The following CSPP1 variants were observed in gnomAD, a reference collection of about 807,000 sequenced individuals.
CSPP1 encodes the protein centrosome and spindle pole associated protein 1, also known as centrosome and spindle pole-associated protein 1.
A neutral mutation model predicts 164.4 loss-of-function variants in CSPP1; 126 were observed. That is an observed-to-expected ratio of 0.77 (90% CI 0.66 to 0.89). CSPP1 has a LOEUF of 0.89. Among genes scored for constraint, CSPP1 ranks in the 40% least tolerant of loss-of-function variants. The pLI is 0.00. For missense variants in CSPP1, 1,395 were observed against 1,449.8 expected, an observed-to-expected ratio of 0.96 and a Z score of 0.61; for synonymous variants, 472 against 476.7, an observed-to-expected ratio of 0.99 and a Z score of 0.13.
chr8:67,085,975 T>C (rs1810306984), intron 3 of CSPP1, 32 bp from the exon 4 acceptor site: 1 of 901,840 alleles, frequency 1.1e-6, no homozygotes, highest in African/African-American at 1.6e-5. Context: ...GGTTTGAAAA[T>C]GAATTATACT....
At chr8:67,095,803 C>T (rs1010744487) in intron 7 of CSPP1, 71 bp downstream of exon 7, 2 of 942,318 alleles carry the variant, frequency 2.1e-6, no homozygotes, top group Admixed American at 2.5e-5. Context: ...GCTGTTGTTA[C>T]TTTTTATCAT....
chr8:67,101,125 A>G (rs1232766227), intron 7 of CSPP1, among the ~76,000 whole-genome samples: 9 of 152,218 alleles, frequency 5.9e-5, no homozygotes, highest in African/African-American at 2.2e-4. Context: ...TTGAATTGTA[A>G]CAATATAAGG....
intron 3 of CSPP1, chr8:67,084,114 TA>T (rs1359175871): frequency 1.3e-5 from 2 of 152,208 alleles, no homozygotes; most frequent in Non-Finnish European, 2.9e-5. Context: ...TCCTTAGGCT[TA>T]AATTCTGTAT....
intron 17 of CSPP1, among the ~76,000 whole-genome samples, chr8:67,149,246 C>G (rs1217728123): frequency 1.3e-5 from 2 of 152,078 alleles, no homozygotes; most frequent in Admixed American, 1.3e-4. Context: ...ATGAGGTAGC[C>G]TCAGAAGTCA....
intron 15 of CSPP1, among the ~76,000 whole-genome samples, chr8:67,125,285 A>G (rs1376528659): frequency 6.6e-6 from 1 of 152,202 alleles, no homozygotes; most frequent in Non-Finnish European, 1.5e-5. Context: ...TTAACACAAT[A>G]TGGTATCCCC....
intron 4 of CSPP1, among the ~76,000 whole-genome samples, chr8:67,090,897 A>C (rs1001386203): frequency 7.3e-5 from 11 of 151,622 alleles, no homozygotes; most frequent in Non-Finnish European, 1.2e-4. Flanking sequence ...TGTAGATGGC[A>C]TTATTTCTGT....
intron 10 of CSPP1, among the ~76,000 whole-genome samples, chr8:67,113,224 G>T (rs1219668055): frequency 6.6e-6 from 1 of 152,092 alleles, no homozygotes; most frequent in African/African-American, 2.4e-5. Flanking sequence ...CAGCCTGGGC[G>T]ACAGGGTGAG....
intron 9 of CSPP1, among the ~76,000 whole-genome samples, chr8:67,109,932 C>T (rs1260160027): frequency 1.3e-5 from 2 of 152,042 alleles, no homozygotes; most frequent in Admixed American, 6.6e-5. Flanking sequence ...GTGCTACTCC[C>T]GTTATCTTAT....
intron 15 of CSPP1, among the ~76,000 whole-genome samples, chr8:67,119,781 T>C (rs1818630692): frequency 6.6e-6 from 1 of 152,160 alleles, no homozygotes; most frequent in Admixed American, 6.5e-5. Flanking sequence ...CCATATATCC[T>C]GGTTATTAAT....
At chr8:67,106,075 T>C in intron 9 of CSPP1, 100 bp downstream of exon 9, 1 of 658,448 alleles carries the variant, frequency 1.5e-6, no homozygotes, top group Non-Finnish European at 2.7e-6. Context: ...TTTTTACTAA[T>C]AGTAGAAAAT....
intron 12 of CSPP1, chr8:67,114,668 A>T (rs559921827): frequency 6.6e-6 from 1 of 152,326 alleles, no homozygotes; most frequent in Non-Finnish European, 1.5e-5. Flanking sequence ...TCCTGATAAG[A>T]TAACCATGGT....
rs182974055 is a variant in CSPP1, at chr8:67,185,508, T to C, written c.3221-5142T>C. On this transcript the variant is annotated intron_variant, in intron 28 of 30. Coordinates refer to ENST00000678616, the MANE Select transcript of CSPP1 (RefSeq NM_001382391.1). ...ACTTTGAAAATGTACAGCCAATGGT[T>C]TCCCTTGGGGGCTTTGAAATAACAT... 1.6e-3 allele frequency among the ~76,000 whole-genome samples: 237 copies of C among 152,316 alleles called. 1 individual carries two copies. Among genetic ancestry groups the C allele is most frequent in the Non-Finnish European group, 2.9e-3 (197 of 68,022 alleles).
At chr8:67,190,845 T>C in intron 29 of CSPP1, 86 bp downstream of exon 29, 1 of 923,322 alleles carries the variant, frequency 1.1e-6, no homozygotes, top group South Asian at 1.4e-5. Context: ...TGTGGCCCAA[T>C]AAAGAGCACT....
chr8:67,095,720 A>C lies in CSPP1; in HGVS notation c.911A>C (p.Tyr304Ser). ...SDFDRRLSRVYTNDRMHRNKR... is the reference protein window; with the variant it reads ...SDFDRRLSRVSTNDRMHRNKR... Reference sequence around the variant, plus strand: ...TTTGATAGAAGACTTTCGAGAGTGTATACAAATGACAGGTATTTACAACTT... The same window carrying C: ...TTTGATAGAAGACTTTCGAGAGTGTCTACAAATGACAGGTATTTACAACTT... Residue 304 changes from tyrosine (Y) to serine (S), a missense_variant, in exon 7 of 31, where the codon TAT (tyrosine) becomes TCT (serine). Coordinates refer to ENST00000678616, the MANE Select transcript of CSPP1 (RefSeq NM_001382391.1). 1 of 1,569,230 alleles carries C rather than the reference A, an allele frequency of 6.4e-7. No individual in the cohort carries two copies. Among genetic ancestry groups the C allele is most frequent in the South Asian group, 1.2e-5 (1 of 85,988 alleles).
At chr8:67,104,160 A>G (rs865948436) in intron 8 of CSPP1, among the ~76,000 whole-genome samples, 6 of 152,316 alleles carry the variant, frequency 3.9e-5, no homozygotes, top group Middle Eastern at 3.4e-3. Context: ...GAAAAGTAAT[A>G]TATAAACACT....
intron 2 of CSPP1, 35 bp from the exon 3 acceptor site, chr8:67,076,447 T>TC (rs781666238): frequency 7.8e-7 from 1 of 1,277,484 alleles, no homozygotes; most frequent in African/African-American, 1.5e-5. Context: ...GTTTTTTTTT[T>TC]CCTCTTGCTT....
chr8:67,079,056 A>G (rs1346590127), intron 3 of CSPP1, among the ~76,000 whole-genome samples: 2 of 152,234 alleles, frequency 1.3e-5, no homozygotes, highest in South Asian at 2.1e-4. Flanking sequence ...AGTTAACAGT[A>G]TAACTGAAAG....
At chr8:67,119,233 A>G (rs1225934861) in intron 15 of CSPP1, among the ~76,000 whole-genome samples, 3 of 152,194 alleles carry the variant, frequency 2.0e-5, no homozygotes, top group African/African-American at 7.2e-5. Flanking sequence ...CTGAATTATA[A>G]TCCATTGTAA....
intron 12 of CSPP1, chr8:67,114,674 A>G (rs1053974134): frequency 6.6e-6 from 1 of 152,218 alleles, no homozygotes; most frequent in Non-Finnish European, 1.5e-5. Context: ...TAAGATAACC[A>G]TGGTAGGAAA....
Sources: gnomAD v4.1 joint callset for allele counts (sites outside exome capture counted in the v4.1 genomes callset) on GRCh38, gnomAD v4.1.1 for gene constraint, MANE v1.5 for transcripts, NCBI Gene and HGNC (gene_info 2026-07-23, HGNC 2026-07-21) for gene names.